DNAH6: variants seen among roughly 807,000 people sequenced by gnomAD.
DNAH6 encodes the protein dynein axonemal heavy chain 6, also known as axonemal beta dynein heavy chain 6.
Under a neutral mutation model 491.4 loss-of-function variants are expected in DNAH6, and 340 were observed. The ratio of observed to expected loss-of-function variants is 0.69; its 90% confidence interval spans 0.63 to 0.76. The LOEUF (loss-of-function observed/expected upper bound fraction) is 0.76. Among genes scored for constraint, DNAH6 ranks in the 30% least tolerant of loss-of-function variants. DNAH6 has a pLI of 0.00. For synonymous variants in DNAH6, 1,603 were observed against 1,686.1 expected (o/e 0.95, Z 1.21); for missense variants, 4,443 against 4,972.2 (o/e 0.89, Z 3.20).
intron 62 of DNAH6, among the ~76,000 whole-genome samples, chr2:84,743,503 G>A (rs111956046): frequency 1.1e-3 from 164 of 152,150 alleles, no homozygotes; most frequent in African/African-American, 3.6e-3. Context: ...TAAGTGCTTC[G>A]TGTCCTATTG....
the DNAH6 span, among the ~76,000 whole-genome samples, chr2:84,481,690 C>G: frequency 6.6e-6 from 1 of 152,186 alleles, no homozygotes; most frequent in Non-Finnish European, 1.5e-5. Flanking sequence ...TCTACCTCCT[C>G]TATCCCCATT....
At chr2:84,464,457 C>T in the DNAH6 span, among the ~76,000 whole-genome samples, 3 of 152,130 alleles carry the variant, frequency 2.0e-5, no homozygotes, top group Non-Finnish European at 2.9e-5. Flanking sequence ...GTTCTTAGAT[C>T]TCATGCAAGA....
At chr2:84,630,983 A>C (rs1210621383) in intron 29 of DNAH6, among the ~76,000 whole-genome samples, 1 of 152,240 alleles carries the variant, frequency 6.6e-6, no homozygotes, top group Non-Finnish European at 1.5e-5. Flanking sequence ...AGAAATCATC[A>C]CAAAATAAAA....
At chr2:84,630,521 CAG>C (rs202128535) in intron 29 of DNAH6, among the ~76,000 whole-genome samples, 5,404 of 152,178 alleles carry the variant, frequency 0.036, 143 homozygotes, top group Non-Finnish European at 0.053. Context: ...AATATGGAAT[CAG>C]GGGAATTCTA....
chr2:84,475,614 A>C, the DNAH6 span, among the ~76,000 whole-genome samples: 1 of 152,286 alleles, frequency 6.6e-6, no homozygotes, highest in Non-Finnish European at 1.5e-5. Context: ...GAGTAGCCTT[A>C]TGTAAGTTAC....
intron 29 of DNAH6, among the ~76,000 whole-genome samples, chr2:84,626,207 T>C (rs1332010120): frequency 1.3e-5 from 2 of 152,186 alleles, no homozygotes; most frequent in African/African-American, 2.4e-5. Context: ...TTTGTTTCTA[T>C]ATTTTTATGT....
Position 84,669,464 on chromosome 2 carries a change from C to A in DNAH6, c.6260C>A (p.Ala2087Glu), listed in dbSNP as rs747489089. The change falls in exon 38 of 77, where the codon GCA becomes GAA. Residue 2087 changes from alanine (A) to glutamate (E), a missense_variant. By Grantham distance (107) the Ala-to-Glu change is moderately radical. This residue lies in a region of DNAH6 where 2,977 missense variants were observed against 3,296.6 expected (regional missense o/e 0.90). Coordinates refer to ENST00000389394, the MANE Select transcript of DNAH6 (RefSeq NM_001370.2). ...GGGTATCTAATGGAAAAACTACTGG[C>A]AGTCAAGCATTCCGTGTTGTTTACT... ...RYGYLMEKLL[A>E]VKHSVLFTGI... The A allele has an allele frequency of 6.4e-7, 1 of 1,551,884 alleles. No homozygotes were observed. Among genetic ancestry groups the A allele is most frequent in the South Asian group, 1.2e-5 (1 of 84,056 alleles).
intron 24 of DNAH6, 129 bp downstream of exon 24, chr2:84,620,033 C>T (rs1384835100): frequency 2.7e-5 from 21 of 788,604 alleles, no homozygotes; most frequent in Non-Finnish European, 3.8e-5. Context: ...AAATTCTTGC[C>T]CTCAAAGAGC....
Position 84,580,330 on chromosome 2 carries a change from A to G in DNAH6, c.2229+651A>G, listed in dbSNP as rs950247052. Among the ~76,000 whole-genome samples the G allele has an allele frequency of 2.3e-4, 35 of 150,108 alleles. 1 individual carries two copies. The South Asian group carries it at 3.0e-3, about 13-fold the overall frequency. ...CACATACACACGCACACACACACAC[A>G]CACACACACACACACACACACTCCT... On this transcript the variant is annotated intron_variant, in intron 14 of 76. Coordinates refer to ENST00000389394, the MANE Select transcript of DNAH6 (RefSeq NM_001370.2).
chr2:84,763,025 T>C, intron 64 of DNAH6, 80 bp downstream of exon 64: 1 of 1,018,310 alleles, frequency 9.8e-7, no homozygotes, highest in Non-Finnish European at 1.5e-6. Flanking sequence ...GTTCTTCCCC[T>C]TGTAGAGCAT....
At chr2:84,651,936 A>G (rs1479072400) in intron 33 of DNAH6, among the ~76,000 whole-genome samples, 1 of 150,922 alleles carries the variant, frequency 6.6e-6, no homozygotes, top group African/African-American at 2.5e-5. Context: ...TTTTCATGTT[A>G]GTATATATGC....
intron 23 of DNAH6, 135 bp downstream of exon 23, chr2:84,617,117 C>T: frequency 1.8e-6 from 1 of 556,020 alleles, no homozygotes; most frequent in Non-Finnish European, 3.1e-6. Context: ...GAAAATCCAA[C>T]TAGTTATCGT....
chr2:84,475,636 T>TCA, the DNAH6 span, among the ~76,000 whole-genome samples: 1 of 152,200 alleles, frequency 6.6e-6, no homozygotes, highest in East Asian at 1.9e-4. Flanking sequence ...TCCAATGCCA[T>TCA]CACAAGCCTT....
intron 11 of DNAH6, among the ~76,000 whole-genome samples, chr2:84,568,347 A>T (rs1194324032): frequency 2.0e-5 from 3 of 152,246 alleles, no homozygotes; most frequent in African/African-American, 7.2e-5. Context: ...AGACTGGATA[A>T]AGAAAATGTG....
At chr2:84,630,769 A>AT (rs1688325645) in intron 29 of DNAH6, among the ~76,000 whole-genome samples, 1 of 152,192 alleles carries the variant, frequency 6.6e-6, no homozygotes, top group Non-Finnish European at 1.5e-5. Flanking sequence ...AGCAGTATTG[A>AT]TTTGGGTAAT....
At chr2:84,495,148 A>G in the DNAH6 span, among the ~76,000 whole-genome samples, 1 of 152,184 alleles carries the variant, frequency 6.6e-6, no homozygotes, top group Non-Finnish European at 1.5e-5. Flanking sequence ...TTAATATGCA[A>G]CTAAGTTTAA....
At chr2:84,511,792 CTCT>C (rs1251527565), upstream of DNAH6, among the ~76,000 whole-genome samples, 1 of 151,974 alleles carries the variant, frequency 6.6e-6, no homozygotes, top group Non-Finnish European at 1.5e-5. Context: ...TCTTTTTTCC[CTCT>C]TCTTCTGTTA....
chr2:84,701,431 A>G, intron 49 of DNAH6, 92 bp downstream of exon 49: 1 of 1,343,908 alleles, frequency 7.4e-7, no homozygotes, highest in Non-Finnish European at 1.0e-6. Flanking sequence ...CTTACCTGTC[A>G]GGGCCCTGTA....
intron 60 of DNAH6, among the ~76,000 whole-genome samples, chr2:84,727,221 C>T (rs1045903119): frequency 1.3e-5 from 2 of 152,052 alleles, no homozygotes. Flanking sequence ...AAGATGATGC[C>T]TCTTGAATAT....
Sources: allele counts gnomAD v4.1 joint callset (sites outside exome capture counted in the v4.1 genomes callset), GRCh38; gene constraint gnomAD v4.1.1; regional missense constraint gnomAD v4.1.1; transcripts MANE v1.5; gene names NCBI Gene and HGNC (gene_info 2026-07-23, HGNC 2026-07-21).